Variants in SAP130 observed in about 807,000 individuals in gnomAD.
The protein encoded by SAP130 is histone deacetylase complex subunit SAP130.
In SAP130, 16 loss-of-function variants were observed where a neutral mutation model predicts 103.2. The observed-to-expected ratio is 0.16, with a 90% CI of 0.10 to 0.24. The LOEUF is 0.24. Among genes scored for constraint, SAP130 ranks in the 10% least tolerant of loss-of-function variants. The pLI, the probability that SAP130 is intolerant of heterozygous loss-of-function variation, is 1.00. For synonymous variants in SAP130, 477 were observed against 497.0 expected (o/e 0.96, Z 0.53); for missense variants, 990 against 1,359.7 (o/e 0.73, Z 4.28).
intron 2 of SAP130, among the ~76,000 whole-genome samples, chr2:128,018,249 G>A (rs1382939789): frequency 1.4e-5 from 2 of 143,496 alleles, no homozygotes; most frequent in African/African-American, 5.3e-5. Context: ...AGTTATAAAA[G>A]CCTGACATTA....
chr2:127,973,953 G>A (rs1379528821), intron 15 of SAP130, among the ~76,000 whole-genome samples: 1 of 152,034 alleles, frequency 6.6e-6, no homozygotes. Context: ...CTCTTAAGTA[G>A]TCCTAACTAC....
intron 12 of SAP130, among the ~76,000 whole-genome samples, chr2:127,990,988 C>A (rs368865022): frequency 6.6e-6 from 1 of 150,884 alleles, no homozygotes; most frequent in Non-Finnish European, 1.5e-5. Context: ...CGGTGGCTCA[C>A]GCCTGTGATC....
intron 14 of SAP130, among the ~76,000 whole-genome samples, chr2:127,980,422 G>C (rs1356980303): frequency 6.6e-6 from 1 of 152,126 alleles, no homozygotes; most frequent in South Asian, 2.1e-4. Flanking sequence ...ATTACTCCTG[G>C]TGAGAGTGTA....
chr2:127,980,822 G>C (rs924876514), intron 14 of SAP130, among the ~76,000 whole-genome samples: 3 of 151,792 alleles, frequency 2.0e-5, no homozygotes, highest in Admixed American at 6.6e-5. Context: ...CCTGAGCCTG[G>C]GGAGGTAAAT....
chr2:127,999,706 G>T, intron 10 of SAP130, 35 bp downstream of exon 10: 1 of 1,304,736 alleles, frequency 7.7e-7, no homozygotes, highest in Middle Eastern at 2.0e-4. Flanking sequence ...CAGCACTCCT[G>T]GTAAGCTTCT....
intron 1 of SAP130, among the ~76,000 whole-genome samples, chr2:128,027,626 C>T (rs1221167879): frequency 1.5e-5 from 2 of 133,236 alleles, no homozygotes; most frequent in African/African-American, 5.5e-5. Context: ...GGGCCGGCCG[C>T]CCGCCCGCCC....
At chr2:127,978,835 G>T (rs959503541) in intron 14 of SAP130, among the ~76,000 whole-genome samples, 3 of 151,886 alleles carry the variant, frequency 2.0e-5, no homozygotes, top group Admixed American at 6.6e-5. Flanking sequence ...GCCATAAGAA[G>T]AAATTAAAAA....
At chr2:128,027,659 G>A (rs1573878512) in intron 1 of SAP130, among the ~76,000 whole-genome samples, 2 of 86,422 alleles carry the variant, frequency 2.3e-5, no homozygotes, top group Non-Finnish European at 4.5e-5. Flanking sequence ...TCCCCCGGCC[G>A]CTCTGCTTCC....
intron 1 of SAP130, among the ~76,000 whole-genome samples, chr2:128,027,622 G>GCCGGCCGC (rs1436816303): frequency 6.8e-6 from 1 of 146,334 alleles, no homozygotes; most frequent in East Asian, 2.1e-4. Context: ...CCCTGGGCCG[G>GCCGGCCGC]CCGCCCGCCC....
At chr2:127,948,760 T>C (rs902159253) in intron 18 of SAP130, among the ~76,000 whole-genome samples, 1 of 152,180 alleles carries the variant, frequency 6.6e-6, no homozygotes, top group Non-Finnish European at 1.5e-5. Context: ...AGGAGGTTAG[T>C]ATGAATATAT....
intron 7 of SAP130, among the ~76,000 whole-genome samples, chr2:128,006,462 T>C (rs1460214471): frequency 6.6e-6 from 1 of 152,192 alleles, no homozygotes; most frequent in African/African-American, 2.4e-5. Flanking sequence ...TCTGGCCCCT[T>C]TGAAGGTTTG....
At chr2:127,963,860 C>T (rs1559046647) in intron 15 of SAP130, among the ~76,000 whole-genome samples, 1 of 152,178 alleles carries the variant, frequency 6.6e-6, no homozygotes, top group African/African-American at 2.4e-5. Context: ...GCCTCCCCAG[C>T]CACATAAATT....
At position 127,956,692 on chromosome 2, in the gene SAP130, T is replaced by TA. The variant is rs1227135415; in HGVS notation, c.2064-1349dup. 3.7e-5 allele frequency among the ~76,000 whole-genome samples: 4 copies of TA among 107,648 alleles called. No homozygotes were observed. The East Asian group carries it at 1.1e-3, about 29-fold the overall frequency. The allele number at this position is 107,648 out of a possible 152,430, so 70.6% of individuals were successfully genotyped here. On this transcript the variant is annotated intron_variant, in intron 15 of 20. Coordinates refer to ENST00000643581, the MANE Select transcript of SAP130 (RefSeq NM_001330301.2). ...CATTGTGCACATGTACCCTAGAACTTAAAGTATAATAAAAAAAAAAAAAAA... is the reference window on the plus strand; with the variant it reads ...CATTGTGCACATGTACCCTAGAACTTAAAAGTATAATAAAAAAAAAAAAAAA...
In SAP130 at chr2:128,000,225, A is replaced by G. The variant is rs1037766748; in HGVS notation, c.1018-79T>C. The G allele has an allele frequency of 1.6e-5, 26 of 1,603,526 alleles. 1 individual carries two copies. The African/African-American group carries it at 3.5e-4, about 21-fold the overall frequency. On this transcript the variant is annotated intron_variant, in intron 8 of 20. Coordinates refer to ENST00000643581, the MANE Select transcript of SAP130 (RefSeq NM_001330301.2). The stretch of plus-strand genomic sequence containing the variant: ...GGTAAACACAATCAATGCCTTCGGT[A>G]TCACCAGGCCCTCAGCACATTTTGC...
chr2:128,024,704 C>T (rs931109537), intron 2 of SAP130, among the ~76,000 whole-genome samples: 1 of 139,814 alleles, frequency 7.2e-6, no homozygotes, highest in Non-Finnish European at 1.5e-5. Context: ...CCTGTCTCTA[C>T]TAAAAATGCG....
chr2:128,025,620 C>A (rs563662531), intron 2 of SAP130, among the ~76,000 whole-genome samples: 1 of 152,132 alleles, frequency 6.6e-6, no homozygotes, highest in Non-Finnish European at 1.5e-5. Flanking sequence ...TATTTACATA[C>A]CATTTACATT....
chr2:127,994,364 G>T (rs1039914307), intron 11 of SAP130, among the ~76,000 whole-genome samples: 3 of 152,162 alleles, frequency 2.0e-5, no homozygotes, highest in African/African-American at 7.2e-5. Flanking sequence ...GCTGAGGCAG[G>T]CAGGCTATTT....
chr2:127,958,595 C>T (rs1680003220), intron 15 of SAP130, among the ~76,000 whole-genome samples: 1 of 149,470 alleles, frequency 6.7e-6, no homozygotes. Flanking sequence ...TATATGTATG[C>T]CACACACTCT....
intron 15 of SAP130, among the ~76,000 whole-genome samples, chr2:127,972,649 T>C (rs1019427857): frequency 6.6e-6 from 1 of 151,994 alleles, no homozygotes; most frequent in African/African-American, 2.4e-5. Flanking sequence ...TCCCAGTTAC[T>C]TGGGAGGCTG....
Sources: allele counts gnomAD v4.1 joint callset (sites outside exome capture counted in the v4.1 genomes callset), GRCh38; gene constraint gnomAD v4.1.1; transcripts MANE v1.5; gene names NCBI Gene and HGNC (gene_info 2026-07-23, HGNC 2026-07-21).